The following MYO15A variants were observed in gnomAD, a reference collection of about 807,000 sequenced individuals.
MYO15A encodes the protein unconventional myosin-XV.
Under a neutral mutation model 394.6 loss-of-function variants are expected in MYO15A, and 308 were observed. That is an observed-to-expected ratio of 0.78 (90% confidence interval 0.71 to 0.86). The LOEUF is 0.86. MYO15A is among the 40% of genes least tolerant of loss of function. The probability of loss-of-function intolerance (pLI) is 0.00; values close to 1 mark genes in which losing one functional copy is unlikely to be tolerated. For synonymous variants in MYO15A, 1,957 were observed against 2,003.8 expected (o/e 0.98, Z 0.62); for missense variants, 4,606 against 4,799.1 (o/e 0.96, Z 1.19).
rs764315115 is a variant in MYO15A at position 18,146,052 on chromosome 17, G to A, written c.6454G>A (p.Ala2152Thr). 4.2e-5 allele frequency: 68 copies of A among 1,613,696 alleles called. No individual in the cohort carries two copies. Among genetic ancestry groups the A allele is most frequent in the Non-Finnish European group, 5.5e-5 (65 of 1,180,036 alleles). The change falls in exon 30 of 66, where the codon GCC (alanine) becomes ACC (threonine). Residue 2152 changes from alanine (A) to threonine (T), a missense_variant. Ala to Thr is a moderately conservative substitution (Grantham distance 58, BLOSUM62 0). Coordinates refer to ENST00000647165, the MANE Select transcript of MYO15A (RefSeq NM_016239.4). ...HNAERGWLLL[A>T]ACLSGFAPSP... ...TGCTGAGCGGGGCTGGCTGCTGCTGGCCGCCTGCCTCAGTGGCTTTGCACC... is the reference window on the plus strand; with the variant it reads ...TGCTGAGCGGGGCTGGCTGCTGCTGACCGCCTGCCTCAGTGGCTTTGCACC...
Position 18,121,054 on chromosome 17 carries a change from G to A in MYO15A, c.2254G>A (p.Gly752Arg), listed in dbSNP as rs770493586. Residue 752 changes from glycine (G) to arginine (R), a missense_variant, in exon 2 of 66, where the codon GGG (glycine) becomes AGG (arginine). Physicochemically the swap from Gly to Arg is moderately radical, Grantham distance 125. Transcript: ENST00000647165. This position sits in a 1 kb window ranked among gnomAD's most constrained non-coding sequence, Gnocchi z 5.3. Reference protein sequence around the residue: ...RPSFRGSRRRGAAFGFPGASP... With the variant: ...RPSFRGSRRRRAAFGFPGASP... Reference sequence around the variant, plus strand: ...CTCGTTCAGGGGCTCCCGCCGGAGAGGGGCGGCTTTCGGCTTCCCCGGGGC... The same window carrying A: ...CTCGTTCAGGGGCTCCCGCCGGAGAAGGGCGGCTTTCGGCTTCCCCGGGGC... The A allele has an allele frequency of 1.2e-5, 18 of 1,508,902 alleles. No homozygotes were observed. The Admixed American group carries it at 2.0e-4, about 17-fold the overall frequency. The allele number at this position is 1,508,902 out of a possible 1,614,324, so 93.5% of individuals were successfully genotyped here. A position where few individuals can be genotyped will look rare whatever the true frequency, so the allele number is the denominator to read the frequency against.
At chr17:18,125,538 C>CA (rs34328243) in intron 4 of MYO15A, 4,265 of 282,764 alleles carry the variant, frequency 0.015, 9 homozygotes, top group South Asian at 0.037. Flanking sequence ...ACTAAAAATA[C>CA]AAAAAAAAAA....
At chr17:18,129,672 G>A (rs1314538385) in intron 7 of MYO15A, among the ~76,000 whole-genome samples, 1 of 152,206 alleles carries the variant, frequency 6.6e-6, no homozygotes, top group East Asian at 1.9e-4. Context: ...GGAGTCCCTG[G>A]GCATGTCATT....
intron 42 of MYO15A, 92 bp downstream of exon 42, chr17:18,152,276 C>A: frequency 2.4e-6 from 3 of 1,266,404 alleles, no homozygotes; most frequent in Non-Finnish European, 3.3e-6. Context: ...GTGTGTGTGT[C>A]TATGTCCCTG....
At chr17:18,110,991 T>C (rs1456041984) in intron 1 of MYO15A, among the ~76,000 whole-genome samples, 2 of 152,266 alleles carry the variant, frequency 1.3e-5, no homozygotes, top group African/African-American at 4.8e-5. Context: ...TTTGGGCATC[T>C]GTGGGTCATG....
At chr17:18,171,522 T>G in intron 62 of MYO15A, 116 bp from the exon 63 acceptor site, 2 of 1,471,880 alleles carry the variant, frequency 1.4e-6, no homozygotes, top group Non-Finnish European at 1.9e-6. Context: ...CTCCCTAGCA[T>G]TTAGTCTTCC....
At position 18,155,332 on chromosome 17, in the gene MYO15A, G is replaced by A; in HGVS notation, c.8359G>A (p.Val2787Met). ...FPATGSVGTG[V>M]QLLAVSHVGI... ...GCCCCAGGGCAGCGTGGGCACTGGT[G>A]TGCAGCTCCTAGCTGTGTCCCACGT... is the stretch of plus-strand genomic sequence containing the variant. Residue 2787 changes from valine (V) to methionine (M), a missense_variant, in exon 47 of 66, where the codon GTG becomes ATG. Physicochemically the swap from Val to Met is conservative, Grantham distance 21 (BLOSUM62 1). Coordinates refer to ENST00000647165, the MANE Select transcript of MYO15A (RefSeq NM_016239.4). 1 of 1,613,792 alleles carries A rather than the reference G, an allele frequency of 6.2e-7. No homozygotes were observed. The highest frequency in any genetic ancestry group is 1.1e-5 in the South Asian group (1 of 91,082).
intron 35 of MYO15A, chr17:18,149,950 C>CAAAA (rs369728454): frequency 5.5e-3 from 689 of 124,658 alleles, no homozygotes; most frequent in African/African-American, 9.2e-3. Context: ...GACCCTGTCT[C>CAAAA]AAAAAAAAAA....
At chr17:18,174,261 A>T (rs1170901941) in intron 65 of MYO15A, among the ~76,000 whole-genome samples, 1 of 152,154 alleles carries the variant, frequency 6.6e-6, no homozygotes, top group African/African-American at 2.4e-5. Flanking sequence ...TGTGTGACAG[A>T]TGGTGAAACT....
chr17:18,139,427 G>A lies in MYO15A; in HGVS notation c.5134-107G>A, dbSNP rs1030864223. On this transcript the variant is annotated intron_variant, in intron 18 of 65. Coordinates refer to ENST00000647165, the MANE Select transcript of MYO15A (RefSeq NM_016239.4). Reference sequence around the variant, plus strand: ...CTCCCCCAGGAGTAGGGAGAATGGTGGGGGCTGGAGGGGTGGGGACCATAG... The same window carrying A: ...CTCCCCCAGGAGTAGGGAGAATGGTAGGGGCTGGAGGGGTGGGGACCATAG... The A allele has an allele frequency of 4.2e-4, 547 of 1,287,994 alleles. 7 individuals are homozygous for A. The highest frequency in any genetic ancestry group is 6.7e-5 in the Non-Finnish European group (61 of 909,506). 79.8% of individuals were successfully genotyped at this position (1,287,994 alleles called of 1,614,324 possible).
chr17:18,166,661 C>G (rs918011094), intron 61 of MYO15A, 140 bp downstream of exon 61: 1 of 1,186,456 alleles, frequency 8.4e-7, no homozygotes, highest in Non-Finnish European at 1.2e-6. Context: ...TCTCTGCTCC[C>G]CTATGTGGTC....
Position 18,120,247 on chromosome 17 carries a change from C to A in MYO15A, c.1447C>A (p.Pro483Thr). 1 of 1,612,176 alleles carries A rather than the reference C, an allele frequency of 6.2e-7. No homozygotes were observed. Among genetic ancestry groups the A allele is most frequent in the Non-Finnish European group, 8.5e-7 (1 of 1,179,606 alleles). The change falls in exon 2 of 66, where the codon CCC becomes ACC. Residue 483 changes from proline to threonine, a missense_variant. Around this residue, in one of 2 missense-constraint regions of MYO15A, gnomAD observed 1,830 missense variants for 1,689.7 expected, o/e 1.08. Coordinates refer to ENST00000647165, the MANE Select transcript of MYO15A (RefSeq NM_016239.4). ...CCGCAAGTTCCGCCTCTTCCCGCGA[C>A]CCCAGGTGAAGCTGTTTGGGAAGGA... ...LIRKFRLFPRPQVKLFGKEKL... is the reference protein window; with the variant it reads ...LIRKFRLFPRTQVKLFGKEKL...
rs2045996062 is a variant in MYO15A at position 18,124,516 on chromosome 17, T to A, written c.3643T>A (p.Phe1215Ile). The change falls in exon 3 of 66, where the codon TTC becomes ATC. Residue 1215 changes from phenylalanine (F) to isoleucine (I), a missense_variant. By Grantham distance (21) the Phe-to-Ile change is conservative (BLOSUM62 0). This residue lies in a region of MYO15A where 2,776 missense variants were observed against 3,109.3 expected (regional missense o/e 0.89). Transcript: ENST00000647165. ...HSIRNLPSMR[F>I]REQHGEDGVE... ...CATCCGCAACCTGCCATCCATGCGG[T>A]TCCGTGAGCAGCACGGGGAGGATGG... The A allele has an allele frequency of 6.2e-7, 1 of 1,612,938 alleles. No individual in the cohort carries two copies. Among genetic ancestry groups the A allele is most frequent in the African/African-American group, 1.3e-5 (1 of 74,922 alleles).
rs2046534964 is a variant in MYO15A at position 18,149,112 on chromosome 17, C to A, written c.6957-104C>A. 2.0e-6 allele frequency: 3 copies of A among 1,520,406 alleles called. No homozygotes were observed. In the South Asian group the frequency reaches 3.6e-5, roughly 18 times the overall value. The allele number at this position is 1,520,406 out of a possible 1,614,324, so 94.2% of individuals were successfully genotyped here. A position where few individuals can be genotyped will look rare whatever the true frequency, so the allele number is the denominator to read the frequency against. On this transcript the variant is annotated intron_variant, in intron 33 of 65. Transcript: ENST00000647165. ...AGGTAGAGTTCACCAAAGGATCCTG[C>A]TTTTAAATGGAGAAAGCCACTGAAT...
intron 25 of MYO15A, 117 bp downstream of exon 25, chr17:18,142,957 C>T: frequency 1.2e-6 from 1 of 867,618 alleles, no homozygotes; most frequent in Non-Finnish European, 1.9e-6. Flanking sequence ...CTGCCTCTGC[C>T]ACCCACTAGC....
At chr17:18,122,457 A>C in intron 2 of MYO15A, 48 bp downstream of exon 2, 1 of 1,584,634 alleles carries the variant, frequency 6.3e-7, no homozygotes, top group Non-Finnish European at 8.6e-7. Flanking sequence ...CTGGCCTAGG[A>C]AACAGGGCAA....
intron 53 of MYO15A, 95 bp from the exon 54 acceptor site, chr17:18,159,180 C>A: frequency 6.7e-7 from 1 of 1,483,424 alleles, no homozygotes; most frequent in Non-Finnish European, 9.4e-7. Flanking sequence ...GTGACGTGGA[C>A]CCTCCTGTTA....
intron 49 of MYO15A, 27 bp from the exon 50 acceptor site, chr17:18,157,129 A>G: frequency 1.2e-6 from 2 of 1,611,078 alleles, no homozygotes; most frequent in South Asian, 1.1e-5. Context: ...CCTCCCTGGC[A>G]GATGCTGACC....
At chr17:18,171,303 A>G (rs2046936946) in intron 62 of MYO15A, among the ~76,000 whole-genome samples, 1 of 152,132 alleles carries the variant, frequency 6.6e-6, no homozygotes, top group Non-Finnish European at 1.5e-5. Flanking sequence ...GGTATGAAGG[A>G]TGAAATTGCC....
Sources: allele counts gnomAD v4.1 joint callset (sites outside exome capture counted in the v4.1 genomes callset), GRCh38; gene constraint gnomAD v4.1.1; regional missense constraint gnomAD v4.1.1; non-coding constraint Gnocchi (gnomAD v3.1); transcripts MANE v1.5; gene names NCBI Gene and HGNC (gene_info 2026-07-23, HGNC 2026-07-21).